The following SECISBP2 variants were observed in gnomAD, a reference collection of about 807,000 sequenced individuals.
The protein encoded by SECISBP2 is SECIS binding protein 2.
SECISBP2 carries 96 observed loss-of-function variants against 98.2 expected under a neutral mutation model. That is an observed-to-expected ratio of 0.98 (90% CI 0.83 to 1.16). SECISBP2 has a LOEUF of 1.16. SECISBP2 is among the 50% of genes most tolerant of loss of function. The pLI, the probability that SECISBP2 is intolerant of heterozygous loss-of-function variation, is 0.00. For missense variants in SECISBP2, 1,046 were observed against 1,022.9 expected (o/e 1.02, Z -0.31); for synonymous variants, 407 against 370.2 (o/e 1.10, Z -1.14).
chr9:89,330,585 A>G lies in SECISBP2; in HGVS notation c.801+1699A>G, dbSNP rs927789284. 11 of 152,254 alleles carry G rather than the reference A, an allele frequency of 7.2e-5. No homozygotes were observed. The South Asian group carries it at 8.3e-4, about 11-fold the overall frequency. The allele number at this position is 152,254 out of a possible 1,614,324, so 9.4% of individuals were successfully genotyped here. A position where few individuals can be genotyped will look rare whatever the true frequency, so the allele number is the denominator to read the frequency against. On this transcript the variant is annotated intron_variant, in intron 5 of 16. Transcript: ENST00000375807. ...GCTGGTAATGTGCAGAAGATAGGCC[A>G]TTGTGTAGCAGTTTGCATGCAGGAC...
In SECISBP2 at chr9:89,348,179, GT is replaced by G; in HGVS notation, c.1704del (p.Asp569MetfsTer19). 6.2e-7 allele frequency: 1 copy of G among 1,614,212 alleles called. No homozygotes were observed. Among genetic ancestry groups the G allele is most frequent in the South Asian group, 1.1e-5 (1 of 91,084 alleles). Reference protein sequence around the residue: ...SDDTQDGESGGDDQFPEQAEL... With the variant: ...SDDTQDGESGXDDQFPEQAEL... The stretch of plus-strand genomic sequence containing the variant: ...GACACACAAGATGGAGAGAGTGGTG[GT>G]GATGACCAGTTTCCCGAGCAGGCAG... On this transcript the variant is annotated frameshift_variant, in exon 12 of 17. Transcript: ENST00000375807. LOFTEE classifies it high-confidence loss of function.
chr9:89,364,347 G>C (rs968098972), downstream of SECISBP2: 3 of 307,428 alleles, frequency 9.8e-6, no homozygotes, highest in Non-Finnish European at 1.9e-5. Context: ...ACATCCCAAG[G>C]CTCTGCCATC....
intron 5 of SECISBP2, chr9:89,332,677 G>C: frequency 1.8e-6 from 1 of 547,762 alleles, no homozygotes; most frequent in Non-Finnish European, 3.3e-6. Context: ...CACCTCCTTT[G>C]GATAATTACC....
In SECISBP2 at chr9:89,325,891, C is replaced by T; in HGVS notation, c.433-6C>T. 1.2e-6 allele frequency: 2 copies of T among 1,613,336 alleles called. No individual in the cohort carries two copies. The highest frequency in any genetic ancestry group is 1.7e-6 in the Non-Finnish European group (2 of 1,179,932). On this transcript the variant is annotated splice_region_variant and splice_polypyrimidine_tract_variant and intron_variant, in intron 3 of 16. Coordinates refer to ENST00000375807, the MANE Select transcript of SECISBP2 (RefSeq NM_024077.5). The stretch of plus-strand genomic sequence containing the variant: ...ATTTCATGTTGCTTTTTAATCTTTC[C>T]TGCAGAAGAAAACCTATGATGAGAA...
intron 6 of SECISBP2, chr9:89,334,238 T>C (rs1399066967): frequency 8.6e-7 from 1 of 1,163,504 alleles, no homozygotes; most frequent in African/African-American, 1.6e-5. Flanking sequence ...TGTTGTTTTT[T>C]AACTAAAACT....
chr9:89,344,917 GT>G (rs1830211093), intron 10 of SECISBP2, among the ~76,000 whole-genome samples: 1 of 152,086 alleles, frequency 6.6e-6, no homozygotes, highest in Non-Finnish European at 1.5e-5. Flanking sequence ...GAAAAAATAT[GT>G]ATTTACCAGT....
chr9:89,339,882 A>C lies in SECISBP2; in HGVS notation c.1231A>C (p.Asn411His), dbSNP rs760836348. 1.2e-6 allele frequency: 2 copies of C among 1,613,806 alleles called. No individual in the cohort carries two copies. Among genetic ancestry groups the C allele is most frequent in the South Asian group, 2.2e-5 (2 of 91,080 alleles). Residue 411 changes from asparagine (N) to histidine (H), a missense_variant, in exon 9 of 17, where the codon AAC becomes CAC. Physicochemically the swap from Asn to His is moderately conservative, Grantham distance 68. Coordinates refer to ENST00000375807, the MANE Select transcript of SECISBP2 (RefSeq NM_024077.5). ...TACTTAGGATGCCGAGGAATTTCCC[A>C]ACCTGGCAGTTGCATCTGAAAGAAG... Reference protein sequence around the residue: ...PRIEDAEEFPNLAVASERRDR... With the variant: ...PRIEDAEEFPHLAVASERRDR...
At chr9:89,365,937 TCAA>T in the SECISBP2 span, among the ~76,000 whole-genome samples, 1 of 152,340 alleles carries the variant, frequency 6.6e-6, no homozygotes, top group Admixed American at 6.5e-5. Context: ...GGTCTCTTGG[TCAA>T]CAATTCCCCA....
chr9:89,327,636 G>A (rs926646502), intron 4 of SECISBP2, among the ~76,000 whole-genome samples: 4 of 152,070 alleles, frequency 2.6e-5, no homozygotes, highest in African/African-American at 9.7e-5. Context: ...TACAGGGTCA[G>A]AATCATCTGT....
intron 11 of SECISBP2, among the ~76,000 whole-genome samples, chr9:89,347,370 A>C (rs755514135): frequency 6.7e-6 from 1 of 149,958 alleles, no homozygotes; most frequent in Admixed American, 6.6e-5. Context: ...CCTTCATCCT[A>C]CCCTAGCTGA....
At position 89,328,813 on chromosome 9, in the gene SECISBP2, G is replaced by T. The variant is rs765892198; in HGVS notation, c.728G>T (p.Gly243Val). The T allele has an allele frequency of 9.9e-6, 16 of 1,614,198 alleles. No homozygotes were observed. Among genetic ancestry groups the T allele is most frequent in the Non-Finnish European group, 1.4e-5 (16 of 1,180,018 alleles). ...GAGATACAGAAGCAACCCAAGTGGG[G>T]ACCTGTCCACTCTGTCTCTACCGAC... ...MSEIQKQPKW[G>V]PVHSVSTDIS... is the part of the protein sequence containing the mutation. Residue 243 changes from glycine (G) to valine (V), a missense_variant, in exon 5 of 17, where the codon GGA becomes GTA. Coordinates refer to ENST00000375807, the MANE Select transcript of SECISBP2 (RefSeq NM_024077.5).
chr9:89,351,621 C>G (rs1317012005), intron 14 of SECISBP2, among the ~76,000 whole-genome samples: 2 of 152,182 alleles, frequency 1.3e-5, no homozygotes, highest in African/African-American at 4.8e-5. Context: ...TGAGATAATG[C>G]ATCCACATCC....
Position 89,318,572 on chromosome 9 carries a change from G to A in SECISBP2, c.-5G>A, listed in dbSNP as rs750744973. Reference sequence around the variant, plus strand: ...CGTGACGCGGCCTCCTCCGCGCCTCGCGGCATGGCGTCGGAGGGGCCGCGG... The same window carrying A: ...CGTGACGCGGCCTCCTCCGCGCCTCACGGCATGGCGTCGGAGGGGCCGCGG... On this transcript the variant is annotated 5_prime_UTR_variant, in exon 1 of 17. Transcript: ENST00000375807. The A allele has an allele frequency of 5.3e-6, 8 of 1,501,750 alleles. No homozygotes were observed. In the Admixed American group the frequency reaches 6.3e-5, roughly 12 times the overall value. The allele number at this position is 1,501,750 out of a possible 1,614,324, so 93.0% of individuals were successfully genotyped here.
At chr9:89,365,496 C>T in the SECISBP2 span, 1 of 152,268 alleles carries the variant, frequency 6.6e-6, no homozygotes, top group South Asian at 2.1e-4. Context: ...CCGGCCATGG[C>T]CTCTGCTTGA....
chr9:89,362,311 G>A, downstream of SECISBP2: 1 of 1,609,786 alleles, frequency 6.2e-7, no homozygotes, highest in South Asian at 1.1e-5. Flanking sequence ...CACAGTTGTG[G>A]GGGACCAGGC....
intron 14 of SECISBP2, among the ~76,000 whole-genome samples, chr9:89,352,947 GCT>G (rs1273349847): frequency 6.6e-6 from 1 of 151,602 alleles, no homozygotes; most frequent in Non-Finnish European, 1.5e-5. Flanking sequence ...CAGGTAGTTT[GCT>G]CTGTTTGTTT....
Position 89,344,292 on chromosome 9 carries a change from C to A in SECISBP2, c.1436-2590C>A, listed in dbSNP as rs552567174. 3.3e-5 allele frequency among the ~76,000 whole-genome samples: 5 copies of A among 152,298 alleles called. No individual in the cohort carries two copies. The South Asian group carries it at 1.0e-3, about 32-fold the overall frequency. ...TTCACTCTGATGATGGTTTGTTTTG[C>A]AATGCAGAAGCTCTTTAGTTTAATT... is the stretch of plus-strand genomic sequence containing the variant. On this transcript the variant is annotated intron_variant, in intron 10 of 16. Transcript: ENST00000375807.
intron 10 of SECISBP2, among the ~76,000 whole-genome samples, chr9:89,343,874 G>A (rs367734560): frequency 9.2e-5 from 14 of 152,298 alleles, no homozygotes; most frequent in East Asian, 3.9e-4. Flanking sequence ...GGATTGCTGG[G>A]TCAAATGGTA....
At chr9:89,318,887 C>A in intron 1 of SECISBP2, 1 of 1,244,748 alleles carries the variant, frequency 8.0e-7, no homozygotes. Flanking sequence ...CCGGCGCTCC[C>A]CGCAGTCGGG....
Sources: gnomAD v4.1 joint callset for allele counts (sites outside exome capture counted in the v4.1 genomes callset) on GRCh38, gnomAD v4.1.1 for gene constraint, MANE v1.5 for transcripts, NCBI Gene and HGNC (gene_info 2026-07-23, HGNC 2026-07-21) for gene names.